Variants in KCTD8 observed in about 807,000 individuals in gnomAD.
The protein encoded by KCTD8 is potassium channel tetramerization domain containing 8.
A neutral mutation model predicts 31.5 loss-of-function variants in KCTD8; 27 were observed. The ratio of observed to expected loss-of-function variants is 0.86; its 90% CI spans 0.63 to 1.18. KCTD8 has a LOEUF of 1.18. Ranked by LOEUF, KCTD8 falls within the 50% of genes most tolerant of loss-of-function variation. The pLI is 0.00. For missense variants in KCTD8, 658 were observed against 647.7 expected, an observed-to-expected ratio of 1.02 and a Z score of -0.17; for synonymous variants, 290 against 280.0, an observed-to-expected ratio of 1.04 and a Z score of -0.36.
chr4:44,328,087 T>G (rs755717642), intron 1 of KCTD8, among the ~76,000 whole-genome samples: 1 of 151,890 alleles, frequency 6.6e-6, no homozygotes, highest in Non-Finnish European at 1.5e-5. Context: ...TAGATCCAAG[T>G]ACAAACACAA....
At chr4:44,407,396 T>C (rs1465952835) in intron 1 of KCTD8, among the ~76,000 whole-genome samples, 2 of 151,588 alleles carry the variant, frequency 1.3e-5, no homozygotes, top group Non-Finnish European at 2.9e-5. Flanking sequence ...TTTCTTTTTT[T>C]TTTTTTTGGA....
intron 1 of KCTD8, among the ~76,000 whole-genome samples, chr4:44,243,264 T>C (rs1206426171): frequency 2.0e-5 from 3 of 152,210 alleles, no homozygotes; most frequent in Non-Finnish European, 2.9e-5. Flanking sequence ...GTTGTTGTTA[T>C]TAAATTAAAA....
Position 44,174,877 on chromosome 4 carries a change from C to T in KCTD8, c.1335G>A (p.Gln445=). The change falls in exon 2 of 2, where the codon CAG becomes CAA. Residue 445 remains glutamine, a synonymous_variant. Coordinates refer to ENST00000360029, the MANE Select transcript of KCTD8 (RefSeq NM_198353.3). ...SVEEEMKKCI[Q]DFKKIHIPDY... The stretch of plus-strand genomic sequence containing the variant: ...CTGGAATGTGGATTTTTTTAAAATC[C>T]TGAATACACTTTTTCATTTCTTCTT... 1 of 1,613,952 alleles carries T rather than the reference C, an allele frequency of 6.2e-7. No homozygotes were observed. Among genetic ancestry groups the T allele is most frequent in the Non-Finnish European group, 8.5e-7 (1 of 1,179,950 alleles).
chr4:44,267,044 C>T (rs1716395349), intron 1 of KCTD8, among the ~76,000 whole-genome samples: 1 of 152,264 alleles, frequency 6.6e-6, no homozygotes, highest in African/African-American at 2.4e-5. Context: ...CCAAGCAGAC[C>T]TAATAGACAT....
At chr4:44,176,977 T>C (rs114831009) in intron 1 of KCTD8, among the ~76,000 whole-genome samples, 6,136 of 152,220 alleles carry the variant, frequency 0.04, 172 homozygotes, top group Non-Finnish European at 0.057. Context: ...CTAATGCTTA[T>C]AATTGCTTAG....
chr4:44,448,622 C>T lies in KCTD8; in HGVS notation c.-99G>A, dbSNP rs559466523. 1.8e-5 allele frequency: 22 copies of T among 1,246,168 alleles called. No homozygotes were observed. In the African/African-American group the frequency reaches 3.1e-4, roughly 18 times the overall value. The allele number at this position is 1,246,168 out of a possible 1,614,324, so 77.2% of individuals were successfully genotyped here. A position where few individuals can be genotyped will look rare whatever the true frequency, so the allele number is the denominator to read the frequency against. ...CCGCGTGCTCCTGGCGCTCTGCGCC[C>T]TCGGACTGGGCGGCGCGTTCCTCCG... On this transcript the variant is annotated 5_prime_UTR_variant, in exon 1 of 2. Transcript: ENST00000360029. This position sits in a 1 kb window ranked among gnomAD's most constrained non-coding sequence, Gnocchi z 4.1.
chr4:44,415,894 C>A (rs1721068845), intron 1 of KCTD8, among the ~76,000 whole-genome samples: 1 of 152,190 alleles, frequency 6.6e-6, no homozygotes, highest in Non-Finnish European at 1.5e-5. Context: ...GAGTCCCCAC[C>A]AGGGGACTGT....
chr4:44,268,656 G>A (rs1194573683), intron 1 of KCTD8, among the ~76,000 whole-genome samples: 1 of 152,152 alleles, frequency 6.6e-6, no homozygotes, highest in South Asian at 2.1e-4. Flanking sequence ...CATTGTCTCA[G>A]CCCAAAAACT....
chr4:44,230,276 T>C (rs982149871), intron 1 of KCTD8, among the ~76,000 whole-genome samples: 4 of 152,190 alleles, frequency 2.6e-5, no homozygotes, highest in South Asian at 2.1e-4. Flanking sequence ...TTCATTCCTA[T>C]ATAGTTGATA....
chr4:44,447,023 T>A (rs1721958810), intron 1 of KCTD8, among the ~76,000 whole-genome samples: 1 of 152,172 alleles, frequency 6.6e-6, no homozygotes, highest in Non-Finnish European at 1.5e-5. Flanking sequence ...GCTTCTCCCC[T>A]GCCCTCTAGA....
At chr4:44,355,930 C>T (rs116383662) in intron 1 of KCTD8, among the ~76,000 whole-genome samples, 10,473 of 83,664 alleles carry the variant, frequency 0.13, 452 homozygotes, top group South Asian at 0.23. Flanking sequence ...TAAAGTCATA[C>T]ATTTTATAGC....
chr4:44,364,833 T>C (rs1264470438), intron 1 of KCTD8, among the ~76,000 whole-genome samples: 1 of 150,630 alleles, frequency 6.6e-6, no homozygotes, highest in Admixed American at 6.6e-5. Flanking sequence ...TCCAAATATA[T>C]GACATTCTGG....
chr4:44,436,281 C>T (rs1401648695), intron 1 of KCTD8, among the ~76,000 whole-genome samples: 1 of 151,974 alleles, frequency 6.6e-6, no homozygotes, highest in Non-Finnish European at 1.5e-5. Context: ...AATGATACTA[C>T]AAGAAAGCAA....
chr4:44,250,725 A>C (rs1466244788), intron 1 of KCTD8, among the ~76,000 whole-genome samples: 1 of 151,782 alleles, frequency 6.6e-6, no homozygotes, highest in Non-Finnish European at 1.5e-5. Flanking sequence ...CCCTTGGCTC[A>C]TAAAGTCATT....
chr4:44,427,727 C>T (rs966261316), intron 1 of KCTD8, among the ~76,000 whole-genome samples: 5 of 151,518 alleles, frequency 3.3e-5, no homozygotes, highest in Admixed American at 6.6e-5. Flanking sequence ...AGTAGAGAGA[C>T]TCAGAAATTC....
At chr4:44,256,842 T>G (rs759413972) in intron 1 of KCTD8, among the ~76,000 whole-genome samples, 8 of 151,940 alleles carry the variant, frequency 5.3e-5, no homozygotes, top group Non-Finnish European at 1.0e-4. Flanking sequence ...CATTTTAGAT[T>G]GCTGACTTCC....
At chr4:44,340,496 G>C (rs1235110264) in intron 1 of KCTD8, among the ~76,000 whole-genome samples, 1 of 149,138 alleles carries the variant, frequency 6.7e-6, no homozygotes. Flanking sequence ...TTTTAGTAGA[G>C]ACTGGGTTTC....
intron 1 of KCTD8, among the ~76,000 whole-genome samples, chr4:44,414,419 G>C (rs1721026317): frequency 6.6e-6 from 1 of 152,082 alleles, no homozygotes; most frequent in Non-Finnish European, 1.5e-5. Context: ...TGATTTCCAG[G>C]ATGCAAAATA....
chr4:44,178,242 C>T (rs1484609283), intron 1 of KCTD8, among the ~76,000 whole-genome samples: 1 of 151,928 alleles, frequency 6.6e-6, no homozygotes, highest in Admixed American at 6.6e-5. Context: ...TAATGATTCT[C>T]AACAATGAGA....
Sources: allele counts gnomAD v4.1 joint callset (sites outside exome capture counted in the v4.1 genomes callset), GRCh38; gene constraint gnomAD v4.1.1; non-coding constraint Gnocchi (gnomAD v3.1); transcripts MANE v1.5; gene names NCBI Gene and HGNC (gene_info 2026-07-23, HGNC 2026-07-21).